The following LZIC variants were observed in gnomAD, a reference collection of about 807,000 sequenced individuals.
LZIC encodes the protein protein LZIC.
LZIC carries 28 observed loss-of-function variants against 25.4 expected under a neutral mutation model. That is an observed-to-expected ratio of 1.10 (90% CI 0.82 to 1.51). The LOEUF (loss-of-function observed/expected upper bound fraction) is 1.51. LZIC is among the 40% of genes most tolerant of loss of function. The pLI is 0.00. For synonymous variants in LZIC, 65 were observed against 70.7 expected (o/e 0.92, Z 0.40); for missense variants, 170 against 211.1 (o/e 0.81, Z 1.21).
chr1:9,940,644 A>T (rs1392946780), intron 2 of LZIC, among the ~76,000 whole-genome samples: 2 of 152,226 alleles, frequency 1.3e-5, no homozygotes, highest in Non-Finnish European at 2.9e-5. Flanking sequence ...TTTCCTACAC[A>T]TAATGAAATC....
intron 5 of LZIC, among the ~76,000 whole-genome samples, chr1:9,933,388 A>T (rs1640323595): frequency 6.6e-6 from 1 of 151,638 alleles, no homozygotes; most frequent in African/African-American, 2.4e-5. Flanking sequence ...ATATAATCCA[A>T]GGCAAATATG....
chr1:9,932,409 T>TCTTTGGGAGGCCGATGTAATCCCAACA (rs1640262829), intron 6 of LZIC, among the ~76,000 whole-genome samples: 1 of 147,994 alleles, frequency 6.8e-6, no homozygotes, highest in African/African-American at 2.5e-5. Flanking sequence ...CAATCCCAGC[T>TCTTTGGGAGGCCGATGTAATCCCAACA]CTTTGGGAGG....
Position 9,934,850 on chromosome 1 carries a change from G to C in LZIC, c.248C>G (p.Ala83Gly). ...GGTTTTAAAGGCCTGGCTGATAGCT[G>C]CCTGAATAGCCTAGAAACACAAGAA... ...ELSGMQLAIQ[A>G]AISQAFKTPE... Residue 83 changes from alanine (A) to glycine (G), a missense_variant, in exon 5 of 8, where the codon GCA becomes GGA. Physicochemically the swap from Ala to Gly is moderately conservative, Grantham distance 60. Coordinates refer to ENST00000377223, the MANE Select transcript of LZIC (RefSeq NM_032368.5). The C allele has an allele frequency of 1.2e-6, 2 of 1,613,820 alleles. No homozygotes were observed. Among genetic ancestry groups the C allele is most frequent in the African/African-American group, 2.7e-5 (2 of 75,028 alleles).
intron 4 of LZIC, 109 bp downstream of exon 4, chr1:9,935,383 G>T: frequency 2.6e-6 from 3 of 1,149,166 alleles, no homozygotes; most frequent in African/African-American, 1.6e-5. Flanking sequence ...AGCCAAGACT[G>T]CCCCACTGCA....
Position 9,936,642 on chromosome 1 carries a change from A to C in LZIC, c.-8-15T>G. The C allele has an allele frequency of 6.7e-7, 1 of 1,492,052 alleles. No homozygotes were observed. Among genetic ancestry groups the C allele is most frequent in the Middle Eastern group, 1.7e-4 (1 of 5,848 alleles). 92.4% of individuals were successfully genotyped at this position (1,492,052 alleles called of 1,614,324 possible). ...CATTTTAATCTCTATGTGAAACAAT[A>C]AACCCACATACCATATGAAATTAAC... On this transcript the variant is annotated splice_polypyrimidine_tract_variant and intron_variant, in intron 2 of 7. Transcript: ENST00000377223.
intron 5 of LZIC, among the ~76,000 whole-genome samples, chr1:9,933,211 C>T (rs972293655): frequency 1.6e-5 from 2 of 124,264 alleles, no homozygotes; most frequent in African/African-American, 6.4e-5. Flanking sequence ...GCCGAGATAG[C>T]GCCACTGCAC....
At chr1:9,922,442 T>A, downstream of LZIC, 1 of 457,356 alleles carries the variant, frequency 2.2e-6, no homozygotes, top group Non-Finnish European at 2.9e-6. Context: ...GGCAATATCC[T>A]AGATTGACTT....
In LZIC at chr1:9,929,875, T is replaced by C; in HGVS notation, c.*524A>G. 1 of 967,884 alleles carries C rather than the reference T, an allele frequency of 1.0e-6. No individual in the cohort carries two copies. The highest frequency in any genetic ancestry group is 1.1e-4 in the East Asian group (1 of 8,736). The allele number at this position is 967,884 out of a possible 1,614,324, so 60.0% of individuals were successfully genotyped here. ...CTGAGTCTTACCCTCAGCTCTCTGA[T>C]GCGACTTTAAGCAAAGTCGCTTGCT... is the stretch of plus-strand genomic sequence containing the variant. On this transcript the variant is annotated 3_prime_UTR_variant, in exon 8 of 8. Transcript: ENST00000377223.
intron 2 of LZIC, among the ~76,000 whole-genome samples, chr1:9,940,302 G>A (rs916211286): frequency 1.8e-4 from 28 of 151,840 alleles, no homozygotes; most frequent in African/African-American, 6.3e-4. Flanking sequence ...TCAGCCTCCC[G>A]AGTAGCTAGG....
intron 2 of LZIC, among the ~76,000 whole-genome samples, chr1:9,939,117 G>A (rs1302892570): frequency 6.6e-6 from 1 of 151,838 alleles, no homozygotes; most frequent in Non-Finnish European, 1.5e-5. Context: ...TTGCTCTGTC[G>A]CCCCGACTGG....
Position 9,936,583 on chromosome 1 carries a change from T to C in LZIC, c.37A>G (p.Lys13Glu). The change falls in exon 3 of 8, where the codon AAG (lysine) becomes GAG (glutamate). Residue 13 changes from lysine (K) to glutamate (E), a missense_variant. Coordinates refer to ENST00000377223, the MANE Select transcript of LZIC (RefSeq NM_032368.5). ...SRGKTETSKLKQNLEEQLDRL... is the reference protein window; with the variant it reads ...SRGKTETSKLEQNLEEQLDRL... ...TCCAACTGTTCTTCTAAATTCTGCT[T>C]TAATTTGCTTGTCTCTGTCTTTCCT... 1 of 1,613,758 alleles carries C rather than the reference T, an allele frequency of 6.2e-7. No homozygotes were observed. Among genetic ancestry groups the C allele is most frequent in the Non-Finnish European group, 8.5e-7 (1 of 1,179,694 alleles).
chr1:9,934,864 GA>G lies in LZIC; in HGVS notation c.238-5del. 6.2e-7 allele frequency: 1 copy of G among 1,611,510 alleles called. No individual in the cohort carries two copies. Among genetic ancestry groups the G allele is most frequent in the Non-Finnish European group, 8.5e-7 (1 of 1,178,230 alleles). On this transcript the variant is annotated splice_polypyrimidine_tract_variant and splice_region_variant and intron_variant, in intron 4 of 7. Transcript: ENST00000377223. ...GGCTGATAGCTGCCTGAATAGCCTA[GA>G]AACACAAGAAGGCAAAAACTAACCA...
intron 6 of LZIC, among the ~76,000 whole-genome samples, chr1:9,932,568 A>G (rs553422565): frequency 6.6e-6 from 1 of 151,508 alleles, no homozygotes; most frequent in Non-Finnish European, 1.5e-5. Context: ...CTGTAATCCC[A>G]GCTACTCAGG....
intron 2 of LZIC, among the ~76,000 whole-genome samples, chr1:9,941,616 C>A (rs767890580): frequency 1.3e-5 from 2 of 151,466 alleles, no homozygotes; most frequent in Non-Finnish European, 2.9e-5. Context: ...TCTCCTGCCT[C>A]GGCCTCCCAA....
intron 4 of LZIC, 50 bp from the exon 5 acceptor site, chr1:9,934,910 A>T: frequency 9.4e-6 from 12 of 1,275,820 alleles, no homozygotes; most frequent in Non-Finnish European, 1.3e-5. Context: ...AACAAATCAG[A>T]TATTGCAATA....
chr1:9,929,366 C>T lies in LZIC; in HGVS notation c.*1033G>A. The T allele has an allele frequency of 8.1e-6, 8 of 984,936 alleles. No homozygotes were observed. Among genetic ancestry groups the T allele is most frequent in the Non-Finnish European group, 9.6e-6 (8 of 829,602 alleles). The allele number at this position is 984,936 out of a possible 1,614,324, so 61.0% of individuals were successfully genotyped here. ...ATGAAAGAATATAAAATGGCTAGAG[C>T]CTAAAAAATAAGCTAATATACACGC... is the stretch of plus-strand genomic sequence containing the variant. On this transcript the variant is annotated 3_prime_UTR_variant, in exon 8 of 8. Coordinates refer to ENST00000377223, the MANE Select transcript of LZIC (RefSeq NM_032368.5).
rs922038701 is a variant in LZIC, at chr1:9,932,108, G to A, written c.433-136C>T. On this transcript the variant is annotated intron_variant, in intron 6 of 7. Transcript: ENST00000377223. ...CCTGCACTTTGGGAGGCGTGGGGGG[G>A]GGGGGGGGGTGGATCACATGAGGTC... 222 of 492,436 alleles carry A rather than the reference G, an allele frequency of 4.5e-4. 17 individuals carry two copies. Among genetic ancestry groups the A allele is most frequent in the African/African-American group, 3.0e-3 (150 of 49,216 alleles). The allele number at this position is 492,436 out of a possible 1,614,324, so 30.5% of individuals were successfully genotyped here.
rs1303627106 is a variant in LZIC at position 9,927,691 on chromosome 1, T to C, written c.*2708A>G. Reference sequence around the variant, plus strand: ...AATCTTCTTCCTCTTTTTTTTTTTTTTTTTTTTTTTGAGACCGTGTCTCAG... The same window carrying C: ...AATCTTCTTCCTCTTTTTTTTTTTTCTTTTTTTTTTGAGACCGTGTCTCAG... On this transcript the variant is annotated 3_prime_UTR_variant, in exon 8 of 8. Coordinates refer to ENST00000377223, the MANE Select transcript of LZIC (RefSeq NM_032368.5). Among the ~76,000 whole-genome samples, 2 of 146,312 alleles carry C rather than the reference T, an allele frequency of 1.4e-5. No homozygotes were observed. Among genetic ancestry groups the C allele is most frequent in the Non-Finnish European group, 3.0e-5 (2 of 66,204 alleles).
chr1:9,941,956 G>A (rs529517452), intron 2 of LZIC, among the ~76,000 whole-genome samples: 4 of 149,184 alleles, frequency 2.7e-5, no homozygotes, highest in South Asian at 2.1e-4. Flanking sequence ...TCGCTCTGTC[G>A]TCCAGGATGG....
Sources: gnomAD v4.1 joint callset for allele counts (sites outside exome capture counted in the v4.1 genomes callset) on GRCh38, gnomAD v4.1.1 for gene constraint, MANE v1.5 for transcripts, NCBI Gene and HGNC (gene_info 2026-07-23, HGNC 2026-07-21) for gene names.